PCDH15: variants seen among roughly 807,000 people sequenced by gnomAD.
The protein encoded by PCDH15 is protocadherin related 15.
PCDH15 carries 129 observed loss-of-function variants against 178.5 expected under a neutral mutation model. That is an observed-to-expected ratio of 0.72 (90% CI 0.63 to 0.84). The LOEUF (loss-of-function observed/expected upper bound fraction) is 0.84. Ranked by LOEUF, PCDH15 falls within the 40% of genes least tolerant of loss-of-function variation. The pLI is 0.00. For missense variants in PCDH15, 2,230 were observed against 2,099.9 expected (o/e 1.06, Z -1.21); for synonymous variants, 800 against 732.0 (o/e 1.09, Z -1.50).
chr10:54,871,053 G>A (rs1954030920), intron 3 of PCDH15, among the ~76,000 whole-genome samples: 2 of 152,130 alleles, frequency 1.3e-5, no homozygotes, highest in African/African-American at 4.8e-5. Flanking sequence ...CTCAACCAGT[G>A]CTGCATTAGA....
chr10:54,045,485 T>A (rs919090470), intron 18 of PCDH15, among the ~76,000 whole-genome samples: 1 of 152,072 alleles, frequency 6.6e-6, no homozygotes, highest in Non-Finnish European at 1.5e-5. Context: ...CTGCTAGGTA[T>A]CAAGACTGTA....
chr10:54,622,558 G>A (rs1289977381), intron 2 of PCDH15, among the ~76,000 whole-genome samples: 1 of 42,068 alleles, frequency 2.4e-5, no homozygotes, highest in Admixed American at 3.0e-4. Context: ...AAACATCATT[G>A]TAACCTGTGT....
chr10:54,520,483 T>C (rs2082731318), intron 3 of PCDH15, among the ~76,000 whole-genome samples: 1 of 152,084 alleles, frequency 6.6e-6, no homozygotes, highest in Admixed American at 6.6e-5. Context: ...TCACTGGCCA[T>C]CAGAGAAATG....
At chr10:54,191,956 G>T (rs2049041678) in intron 11 of PCDH15, among the ~76,000 whole-genome samples, 1 of 132,920 alleles carries the variant, frequency 7.5e-6, no homozygotes, top group Non-Finnish European at 1.6e-5. Context: ...AAAAAGAAAA[G>T]AAAGAAGGAG....
rs530452146 is a variant in PCDH15, at chr10:55,131,546, T to C, written c.-80+35030A>G. On this transcript the variant is annotated intron_variant, in intron 2 of 5. Transcript: ENST00000458638. The stretch of plus-strand genomic sequence containing the variant: ...GCAGGTCCTGAGTTTTTGTCTCATG[T>C]CCAGGAATAATGAGGTATACAGACA... 2.0e-5 allele frequency among the ~76,000 whole-genome samples: 3 copies of C among 152,288 alleles called. No homozygotes were observed. The East Asian group carries it at 5.8e-4, about 29-fold the overall frequency.
At chr10:54,411,880 C>T (rs1342117996) in intron 3 of PCDH15, among the ~76,000 whole-genome samples, 1 of 152,132 alleles carries the variant, frequency 6.6e-6, no homozygotes, top group Non-Finnish European at 1.5e-5. Flanking sequence ...ATTACTTTGA[C>T]TAGATTATTT....
At chr10:55,305,438 C>T (rs1191276891) in intron 1 of PCDH15, among the ~76,000 whole-genome samples, 13 of 152,346 alleles carry the variant, frequency 8.5e-5, no homozygotes, top group Admixed American at 8.5e-4. Flanking sequence ...GGCAGAGTGG[C>T]ATTGTCCTCA....
At chr10:55,547,910 T>TGTGTGAGAGAGAGAGAGAGAGAGAGAGA in intron 2 of PCDH15, among the ~76,000 whole-genome samples, 1 of 54,530 alleles carries the variant, frequency 1.8e-5, no homozygotes. Context: ...TGTGTGTGTG[T>TGTGTGAGAGAGAGAGAGAGAGAGAGAGA]GAGAGAGAGA....
At chr10:55,366,922 C>T (rs1040376801) in intron 2 of PCDH15, among the ~76,000 whole-genome samples, 20 of 150,080 alleles carry the variant, frequency 1.3e-4, no homozygotes, top group East Asian at 3.9e-4. Context: ...CATTTGTTTG[C>T]GTGTGTGTGT....
At chr10:54,975,107 G>A (rs1016730407) in intron 2 of PCDH15, among the ~76,000 whole-genome samples, 11 of 152,052 alleles carry the variant, frequency 7.2e-5, no homozygotes, top group African/African-American at 2.4e-4. Context: ...CTGAGCTTTC[G>A]GTGTGTAAAA....
At chr10:55,505,354 T>C (rs1056114166) in intron 2 of PCDH15, among the ~76,000 whole-genome samples, 8 of 151,408 alleles carry the variant, frequency 5.3e-5, no homozygotes, top group African/African-American at 1.9e-4. Flanking sequence ...CATAGTAATT[T>C]GGAAAATAAA....
At chr10:55,361,344 A>T (rs1173264355) in intron 2 of PCDH15, among the ~76,000 whole-genome samples, 1 of 152,048 alleles carries the variant, frequency 6.6e-6, no homozygotes, top group East Asian at 1.9e-4. Flanking sequence ...TATAAAATTA[A>T]ACTAATTGTA....
intron 2 of PCDH15, among the ~76,000 whole-genome samples, chr10:55,348,420 A>G (rs1384799247): frequency 1.3e-5 from 2 of 150,808 alleles, no homozygotes; most frequent in African/African-American, 5.0e-5. Context: ...CAATAATAAC[A>G]ATAATAACGA....
At chr10:54,718,822 A>G (rs7081537) in intron 1 of PCDH15, among the ~76,000 whole-genome samples, 18,404 of 150,796 alleles carry the variant, frequency 0.12, 1,243 homozygotes, top group African/African-American at 0.17. Context: ...TCAGCCTCCC[A>G]AGTAGCTGGC....
intron 2 of PCDH15, among the ~76,000 whole-genome samples, chr10:54,948,566 A>G (rs1838250055): frequency 6.6e-6 from 1 of 151,924 alleles, no homozygotes; most frequent in Non-Finnish European, 1.5e-5. Context: ...ATCAATGCAG[A>G]TGAGCATTAT....
chr10:55,031,838 C>T (rs1383622524), intron 2 of PCDH15, among the ~76,000 whole-genome samples: 2 of 152,166 alleles, frequency 1.3e-5, no homozygotes, highest in African/African-American at 4.8e-5. Context: ...GACTTTCCAA[C>T]CCCCAGAGCT....
Position 54,620,989 on chromosome 10 carries a change from T to C in PCDH15, c.91+43183A>G, listed in dbSNP as rs1195483272. ...CTAATATTCAATGGAGAAGAATATATATTCTTTTTTAGGAGGACACAAAAA... is the reference window on the plus strand; with the variant it reads ...CTAATATTCAATGGAGAAGAATATACATTCTTTTTTAGGAGGACACAAAAA... On this transcript the variant is annotated intron_variant, in intron 2 of 37. Transcript: ENST00000644397. 3.3e-5 allele frequency among the ~76,000 whole-genome samples: 5 copies of C among 151,990 alleles called. No homozygotes were observed. The East Asian group carries it at 7.7e-4, about 24-fold the overall frequency.
At chr10:53,956,901 C>T (rs555202620) in intron 23 of PCDH15, among the ~76,000 whole-genome samples, 30 of 152,208 alleles carry the variant, frequency 2.0e-4, no homozygotes, top group African/African-American at 6.7e-4. Flanking sequence ...TATGCAGAGA[C>T]GGTATGAAAT....
At chr10:54,001,793 GA>G (rs2092149785) in intron 20 of PCDH15, among the ~76,000 whole-genome samples, 1 of 150,998 alleles carries the variant, frequency 6.6e-6, no homozygotes, top group Non-Finnish European at 1.5e-5. Context: ...ACGGATTAAA[GA>G]AAAAAAAGAC....
Sources: allele counts gnomAD v4.1 joint callset (sites outside exome capture counted in the v4.1 genomes callset), GRCh38; gene constraint gnomAD v4.1.1; transcripts MANE v1.5; gene names NCBI Gene and HGNC (gene_info 2026-07-23, HGNC 2026-07-21).